Variants in DLGAP2 observed in about 807,000 individuals in gnomAD.
DLGAP2 encodes the protein disks large-associated protein 2.
In DLGAP2, 26 loss-of-function variants were observed where a neutral mutation model predicts 100.3. The ratio of observed to expected loss-of-function variants is 0.26; its 90% confidence interval spans 0.19 to 0.36. DLGAP2 has a LOEUF of 0.36. Among genes scored for constraint, DLGAP2 ranks in the 10% least tolerant of loss-of-function variants. The pLI is 1.00. For missense variants in DLGAP2, 1,858 were observed against 1,453.2 expected (o/e 1.28, Z -4.53); for synonymous variants, 886 against 630.1 (o/e 1.41, Z -6.08).
At chr8:1,192,513 C>T (rs1346416934) in intron 2 of DLGAP2, among the ~76,000 whole-genome samples, 2 of 151,992 alleles carry the variant, frequency 1.3e-5, no homozygotes, top group African/African-American at 4.8e-5. Flanking sequence ...CCTGCTCCTC[C>T]GTCTGTCTGA....
At chr8:928,507 G>A (rs1798868780) in intron 2 of DLGAP2, among the ~76,000 whole-genome samples, 1 of 152,172 alleles carries the variant, frequency 6.6e-6, no homozygotes, top group South Asian at 2.1e-4. Flanking sequence ...TTCTTGTGGT[G>A]ACAACACGGG....
intron 2 of DLGAP2, among the ~76,000 whole-genome samples, chr8:1,227,820 C>G (rs779218743): frequency 2.6e-5 from 4 of 152,024 alleles, no homozygotes; most frequent in Non-Finnish European, 5.9e-5. Context: ...GTCTGGAGAT[C>G]TATCATACAA....
At chr8:1,440,870 G>C (rs1374360301) in intron 3 of DLGAP2, among the ~76,000 whole-genome samples, 1 of 152,158 alleles carries the variant, frequency 6.6e-6, no homozygotes, top group African/African-American at 2.4e-5. Flanking sequence ...GGCTGTTTTA[G>C]GACATCCTAA....
chr8:1,431,864 G>A (rs1797455692), intron 3 of DLGAP2, among the ~76,000 whole-genome samples: 3 of 152,144 alleles, frequency 2.0e-5, no homozygotes, highest in African/African-American at 7.2e-5. Context: ...AACCCTGCCG[G>A]CACCCAGCAC....
At chr8:1,141,963 A>G (rs1450069286) in intron 2 of DLGAP2, among the ~76,000 whole-genome samples, 2 of 152,294 alleles carry the variant, frequency 1.3e-5, no homozygotes, top group Middle Eastern at 3.4e-3. Flanking sequence ...AAAAATTTGC[A>G]AATAAGTAAG....
chr8:739,535 A>C (rs1820428990), intron 1 of DLGAP2: 1 of 152,214 alleles, frequency 6.6e-6, no homozygotes, highest in Non-Finnish European at 1.5e-5. Context: ...CACCATTTTC[A>C]TTTTACTTCC....
intron 3 of DLGAP2, among the ~76,000 whole-genome samples, chr8:1,476,804 C>T (rs1349971117): frequency 1.3e-5 from 2 of 151,700 alleles, no homozygotes; most frequent in African/African-American, 2.4e-5. Flanking sequence ...CAGACCCACC[C>T]GTGATGGCTG....
intron 2 of DLGAP2, among the ~76,000 whole-genome samples, chr8:1,181,886 C>G (rs906032370): frequency 1.9e-4 from 29 of 152,188 alleles, no homozygotes; most frequent in Non-Finnish European, 7.3e-5. Context: ...GCCATCGTCC[C>G]TGCAATCCCA....
chr8:1,364,503 G>GC (rs1554452278), intron 3 of DLGAP2, among the ~76,000 whole-genome samples: 1 of 51,532 alleles, frequency 1.9e-5, no homozygotes, highest in East Asian at 5.2e-4. Flanking sequence ...TGGGAAGGGC[G>GC]GGGGGGGTGC....
At chr8:1,382,697 G>T (rs1348148650) in intron 3 of DLGAP2, among the ~76,000 whole-genome samples, 1 of 152,094 alleles carries the variant, frequency 6.6e-6, no homozygotes, top group Admixed American at 6.5e-5. Flanking sequence ...AGCCATGATC[G>T]TGCCGCTGCA....
chr8:1,006,462 A>G (rs1168132859), intron 2 of DLGAP2, among the ~76,000 whole-genome samples: 2 of 125,324 alleles, frequency 1.6e-5, no homozygotes, highest in Non-Finnish European at 3.3e-5. Context: ...AAGTCTTGGT[A>G]TGTGGTCCTT....
chr8:1,360,212 T>TTCTGGGGCGGGGCTTC (rs1801948903), intron 3 of DLGAP2, among the ~76,000 whole-genome samples: 1 of 99,394 alleles, frequency 1.0e-5, no homozygotes, highest in South Asian at 4.4e-4. Flanking sequence ...GGCGGGGCTT[T>TTCTGGGGCGGGGCTTC]TCCGGGGCGG....
Position 1,090,917 on chromosome 8 carries a change from T to G in DLGAP2, c.74-167934T>G, listed in dbSNP as rs1185291903. 8.5e-5 allele frequency among the ~76,000 whole-genome samples: 13 copies of G among 152,256 alleles called. 1 individual carries two copies. ...CTATGATTTCAGTTTAAACTTAGTA[T>G]TCCAGTGGCTTGGAGTACTTAGCTA... On this transcript the variant is annotated intron_variant, in intron 2 of 14. Transcript: ENST00000637795.
chr8:1,124,964 C>T (rs1400424008), intron 2 of DLGAP2, among the ~76,000 whole-genome samples: 1 of 152,166 alleles, frequency 6.6e-6, no homozygotes, highest in African/African-American at 2.4e-5. Flanking sequence ...GCTGACTGTC[C>T]AGCACCTGCT....
chr8:1,246,712 C>T (rs1365354621), intron 2 of DLGAP2: 1 of 152,310 alleles, frequency 6.6e-6, no homozygotes, highest in African/African-American at 2.4e-5. Flanking sequence ...GCATAAACCA[C>T]TGGGGATGTG....
intron 3 of DLGAP2, among the ~76,000 whole-genome samples, chr8:1,343,923 A>G (rs1563094801): frequency 6.6e-6 from 1 of 152,178 alleles, no homozygotes; most frequent in Non-Finnish European, 1.5e-5. Flanking sequence ...CAGGTGAGGT[A>G]TATCAGGGCT....
At chr8:1,675,772 A>G (rs763755020) in intron 10 of DLGAP2, among the ~76,000 whole-genome samples, 11 of 152,030 alleles carry the variant, frequency 7.2e-5, no homozygotes, top group Non-Finnish European at 1.2e-4. Flanking sequence ...GCCTGGAATC[A>G]TATCAATGGC....
At chr8:1,044,893 C>G (rs568651200) in intron 2 of DLGAP2, among the ~76,000 whole-genome samples, 2 of 152,318 alleles carry the variant, frequency 1.3e-5, no homozygotes, top group African/African-American at 4.8e-5. Flanking sequence ...TCTGAATATT[C>G]AAACCTTCCC....
intron 3 of DLGAP2, among the ~76,000 whole-genome samples, chr8:1,357,165 G>A (rs993648723): frequency 6.6e-6 from 1 of 152,134 alleles, no homozygotes; most frequent in African/African-American, 2.4e-5. Flanking sequence ...CTGTGGACCA[G>A]GAAACGAGCC....
Sources: gnomAD v4.1 joint callset for allele counts (sites outside exome capture counted in the v4.1 genomes callset) on GRCh38, gnomAD v4.1.1 for gene constraint, MANE v1.5 for transcripts, NCBI Gene and HGNC (gene_info 2026-07-23, HGNC 2026-07-21) for gene names.